CNNM2: variants seen among roughly 807,000 people sequenced by gnomAD.
The protein encoded by CNNM2 is metal transporter CNNM2.
In CNNM2, 12 loss-of-function variants were observed where a neutral mutation model predicts 66.9. The ratio of observed to expected loss-of-function variants is 0.18; its 90% confidence interval spans 0.11 to 0.29. CNNM2 has a LOEUF of 0.29. Among genes scored for constraint, CNNM2 ranks in the 10% least tolerant of loss-of-function variants. CNNM2 has a pLI of 1.00. For missense variants in CNNM2, 705 were observed against 1,167.7 expected (o/e 0.60, Z 5.77); for synonymous variants, 557 against 501.8 (o/e 1.11, Z -1.47).
chr10:103,029,547 T>G (rs1272121416), intron 1 of CNNM2, among the ~76,000 whole-genome samples: 2 of 151,528 alleles, frequency 1.3e-5, no homozygotes. Context: ...AACCCTTCCT[T>G]CAATAATCTC....
At chr10:102,958,839 A>T (rs959305232) in intron 1 of CNNM2, among the ~76,000 whole-genome samples, 1 of 152,030 alleles carries the variant, frequency 6.6e-6, no homozygotes, top group African/African-American at 2.4e-5. Flanking sequence ...TTGGTGCTTT[A>T]AAAAACCCTC....
intron 1 of CNNM2, among the ~76,000 whole-genome samples, chr10:102,980,303 A>C (rs1163946570): frequency 6.7e-6 from 1 of 148,970 alleles, no homozygotes; most frequent in Non-Finnish European, 1.5e-5. Flanking sequence ...ATTGCTATCT[A>C]TTTTATTTCA....
intron 1 of CNNM2, among the ~76,000 whole-genome samples, chr10:102,953,098 T>C (rs1366003940): frequency 6.6e-6 from 1 of 152,240 alleles, no homozygotes; most frequent in Non-Finnish European, 1.5e-5. Flanking sequence ...TGTTATATTA[T>C]GAAACTTTAT....
intron 1 of CNNM2, among the ~76,000 whole-genome samples, chr10:103,043,433 C>T (rs1041388322): frequency 1.3e-5 from 2 of 152,100 alleles, no homozygotes; most frequent in South Asian, 2.1e-4. Flanking sequence ...TTCATCTGGC[C>T]GTTACAGGTG....
At chr10:102,964,612 G>A (rs1382036566) in intron 1 of CNNM2, among the ~76,000 whole-genome samples, 4 of 152,082 alleles carry the variant, frequency 2.6e-5, no homozygotes, top group Non-Finnish European at 5.9e-5. Flanking sequence ...TAGTTACCTG[G>A]ACCACCTACT....
intron 1 of CNNM2, 61 bp downstream of exon 1, chr10:102,920,162 T>C: frequency 2.5e-6 from 4 of 1,613,378 alleles, no homozygotes; most frequent in Non-Finnish European, 3.4e-6. Context: ...CCTCCCTACT[T>C]GAGTCCTCTA....
intron 1 of CNNM2, among the ~76,000 whole-genome samples, chr10:103,002,587 C>T (rs2064142713): frequency 1.3e-5 from 2 of 150,386 alleles, no homozygotes; most frequent in Admixed American, 1.3e-4. Context: ...TCGAGTGATT[C>T]TCCTGCCTCA....
chr10:103,068,850 G>A (rs373297566), intron 5 of CNNM2, 128 bp downstream of exon 5: 1 of 667,110 alleles, frequency 1.5e-6, no homozygotes, highest in Non-Finnish European at 2.6e-6. Context: ...TTTTTTTGAA[G>A]TATATCATAT....
At chr10:103,009,142 G>A (rs184781004) in intron 1 of CNNM2, among the ~76,000 whole-genome samples, 177 of 152,250 alleles carry the variant, frequency 1.2e-3, no homozygotes, top group African/African-American at 4.1e-3. Flanking sequence ...CAGGTGTGGT[G>A]GCGCATGCCT....
chr10:103,015,522 C>A (rs534275919), intron 1 of CNNM2, among the ~76,000 whole-genome samples: 1 of 152,162 alleles, frequency 6.6e-6, no homozygotes, highest in Non-Finnish European at 1.5e-5. Context: ...ATACCGAGGA[C>A]CATCTCTAGC....
chr10:102,932,435 A>G (rs931725770), intron 1 of CNNM2, among the ~76,000 whole-genome samples: 2 of 152,082 alleles, frequency 1.3e-5, no homozygotes, highest in African/African-American at 4.8e-5. Context: ...ATTTATGCCT[A>G]TGTTTTCTTC....
intron 5 of CNNM2, among the ~76,000 whole-genome samples, chr10:103,071,198 CAGTG>C (rs1038277230): frequency 2.0e-5 from 3 of 152,200 alleles, no homozygotes; most frequent in African/African-American, 4.8e-5. Flanking sequence ...TCTGATGGGG[CAGTG>C]AGTAAGTGGT....
intron 1 of CNNM2, among the ~76,000 whole-genome samples, chr10:103,043,532 G>A (rs893190728): frequency 6.6e-6 from 1 of 152,208 alleles, no homozygotes; most frequent in African/African-American, 2.4e-5. Context: ...TAGAAGTATG[G>A]TAAGGTTAAA....
chr10:102,999,865 T>C (rs1433730361), intron 1 of CNNM2, among the ~76,000 whole-genome samples: 1 of 152,206 alleles, frequency 6.6e-6, no homozygotes, highest in Admixed American at 6.5e-5. Context: ...TGATGACTAC[T>C]GTCAAAAAAA....
At chr10:103,056,195 G>A (rs376452758) in intron 3 of CNNM2, among the ~76,000 whole-genome samples, 14 of 152,076 alleles carry the variant, frequency 9.2e-5, no homozygotes, top group African/African-American at 3.1e-4. Context: ...CCTTCAGTCA[G>A]TAATTTTTGT....
In CNNM2 at chr10:102,919,722, G is replaced by T. The variant is rs1379471625; in HGVS notation, c.1242G>T (p.Leu414=). ...EIGTVYNREK[L]LEMLRVTDPY... is the part of the protein sequence containing the mutation. ...GCACCGTCTATAACCGGGAAAAACT[G>T]CTGGAGATGCTCCGGGTCACCGATC... is the stretch of plus-strand genomic sequence containing the variant. Residue 414 remains leucine (L), a synonymous_variant, in exon 1 of 8, where the codon CTG becomes CTT. Coordinates refer to ENST00000369878, the MANE Select transcript of CNNM2 (RefSeq NM_017649.5). 1.9e-6 allele frequency: 3 copies of T among 1,614,204 alleles called. 1 individual carries two copies. Among genetic ancestry groups the T allele is most frequent in the Middle Eastern group, 3.3e-4 (2 of 6,062 alleles).
In CNNM2 at chr10:103,083,479, C is replaced by T. The variant is rs1446685693; in HGVS notation, c.*6299C>T. On this transcript the variant is annotated 3_prime_UTR_variant, in exon 8 of 8. Transcript: ENST00000369878. ...GCTTGGCTGAACCAACTGCCCTACC[C>T]ACTTGCCTGGCTTTGCTGGTGGGAA... 1 of 152,294 alleles carries T rather than the reference C, an allele frequency of 6.6e-6. No homozygotes were observed. Among genetic ancestry groups the T allele is most frequent in the African/African-American group, 2.4e-5 (1 of 41,450 alleles). 9.4% of individuals were successfully genotyped at this position (152,294 alleles called of 1,614,324 possible). A position where few individuals can be genotyped will look rare whatever the true frequency, so the allele number is the denominator to read the frequency against.
rs1215571835 is a variant in CNNM2 at position 103,087,687 on chromosome 10, C to T, written c.*10507C>T. On this transcript the variant is annotated 3_prime_UTR_variant, in exon 8 of 8. Coordinates refer to ENST00000369878, the MANE Select transcript of CNNM2 (RefSeq NM_017649.5). Reference sequence around the variant, plus strand: ...ACTATGTTAAACTGGACAACATCTCCATCTTGAGTGAGAGTAATTAGTAAC... The same window carrying T: ...ACTATGTTAAACTGGACAACATCTCTATCTTGAGTGAGAGTAATTAGTAAC... 6.6e-6 allele frequency: 1 copy of T among 152,210 alleles called. No individual in the cohort carries two copies. Among genetic ancestry groups the T allele is most frequent in the Non-Finnish European group, 1.5e-5 (1 of 68,030 alleles). The allele number at this position is 152,210 out of a possible 1,614,324, so 9.4% of individuals were successfully genotyped here.
chr10:103,050,282 A>G (rs1163560833), intron 2 of CNNM2, among the ~76,000 whole-genome samples: 1 of 152,178 alleles, frequency 6.6e-6, no homozygotes, highest in Non-Finnish European at 1.5e-5. Flanking sequence ...GTGTAATCCC[A>G]GCACTTTAGG....
Sources: gnomAD v4.1 joint callset for allele counts (sites outside exome capture counted in the v4.1 genomes callset) on GRCh38, gnomAD v4.1.1 for gene constraint, MANE v1.5 for transcripts, NCBI Gene and HGNC (gene_info 2026-07-23, HGNC 2026-07-21) for gene names.